PCLO: variants seen among roughly 807,000 people sequenced by gnomAD.
PCLO encodes piccolo presynaptic cytomatrix protein, also known as protein piccolo.
In PCLO, 82 loss-of-function variants were observed where a neutral mutation model predicts 427.5. The observed-to-expected ratio is 0.19, with a 90% confidence interval of 0.16 to 0.23. The LOEUF (loss-of-function observed/expected upper bound fraction) is 0.23, where lower values mean the gene tolerates loss of function less well. PCLO is among the 10% of genes least tolerant of loss of function. The probability of loss-of-function intolerance (pLI) is 1.00; values close to 1 mark genes in which losing one functional copy is unlikely to be tolerated. For missense variants in PCLO, 6,239 were observed against 6,115.9 expected, an observed-to-expected ratio of 1.02 and a Z score of -0.67; for synonymous variants, 2,357 against 2,155.4, an observed-to-expected ratio of 1.09 and a Z score of -2.59.
intron 3 of PCLO, among the ~76,000 whole-genome samples, chr7:83,078,197 C>T (rs1337680635): frequency 6.6e-6 from 1 of 152,056 alleles, no homozygotes; most frequent in African/African-American, 2.4e-5. Flanking sequence ...AATCAACAAA[C>T]ATATATTATT....
chr7:82,998,456 C>G (rs116137624), intron 3 of PCLO, among the ~76,000 whole-genome samples: 1,581 of 151,840 alleles, frequency 0.01, 38 homozygotes, highest in African/African-American at 0.035. Flanking sequence ...AGTGCTTGAA[C>G]TGCTGGGGTT....
chr7:83,110,826 C>T (rs1292351798), intron 3 of PCLO, among the ~76,000 whole-genome samples: 2 of 152,250 alleles, frequency 1.3e-5, no homozygotes, highest in Non-Finnish European at 2.9e-5. Flanking sequence ...CTGTCAAACC[C>T]ATCTCCTCCA....
At chr7:83,151,170 T>G (rs1201562331) in intron 2 of PCLO, among the ~76,000 whole-genome samples, 2 of 152,182 alleles carry the variant, frequency 1.3e-5, no homozygotes, top group African/African-American at 2.4e-5. Context: ...AGTTCAGAAT[T>G]AGACCTTTTG....
intron 7 of PCLO, among the ~76,000 whole-genome samples, chr7:82,912,345 C>T (rs759777163): frequency 6.6e-6 from 1 of 151,516 alleles, no homozygotes; most frequent in African/African-American, 2.4e-5. Flanking sequence ...GAAAAGTACA[C>T]CATTACTCAT....
intron 3 of PCLO, among the ~76,000 whole-genome samples, chr7:83,125,429 G>T (rs971773335): frequency 5.9e-5 from 9 of 152,250 alleles, no homozygotes; most frequent in Non-Finnish European, 1.2e-4. Context: ...GATGACGATG[G>T]TGGTTTTGTC....
chr7:83,028,644 C>A (rs1328111940), intron 3 of PCLO, among the ~76,000 whole-genome samples: 5 of 148,348 alleles, frequency 3.4e-5, no homozygotes, highest in South Asian at 4.4e-4. Flanking sequence ...GAGCCCGCAT[C>A]GCCAAGTCAA....
intron 3 of PCLO, among the ~76,000 whole-genome samples, chr7:82,996,299 A>C (rs1787612137): frequency 6.6e-6 from 1 of 152,018 alleles, no homozygotes; most frequent in African/African-American, 2.4e-5. Context: ...AATTGGCATT[A>C]ATGGTTTTTT....
intron 3 of PCLO, among the ~76,000 whole-genome samples, chr7:83,086,556 C>G (rs1330274204): frequency 5.9e-5 from 9 of 151,890 alleles, no homozygotes; most frequent in Non-Finnish European, 1.3e-4. Flanking sequence ...AAATGGCAAA[C>G]AACCCATTTT....
intron 3 of PCLO, among the ~76,000 whole-genome samples, chr7:83,001,534 G>A (rs893921284): frequency 7.5e-5 from 9 of 120,578 alleles, no homozygotes; most frequent in Non-Finnish European, 1.2e-4. Context: ...ACACACAAAG[G>A]AAGTAAGAAA....
At chr7:82,848,041 A>G (rs1165998332) in intron 10 of PCLO, among the ~76,000 whole-genome samples, 1 of 152,052 alleles carries the variant, frequency 6.6e-6, no homozygotes. Context: ...CTAGAAAGAT[A>G]ATTTCATAGA....
At chr7:82,921,036 C>T (rs1794583483) in intron 6 of PCLO, among the ~76,000 whole-genome samples, 1 of 151,556 alleles carries the variant, frequency 6.6e-6, no homozygotes, top group Non-Finnish European at 1.5e-5. Context: ...ATGCTAAAGA[C>T]ATAGATACAA....
In PCLO at chr7:82,915,793, C is replaced by A; in HGVS notation, c.12193G>T (p.Ala4065Ser). The A allele has an allele frequency of 6.8e-6, 11 of 1,612,596 alleles. No homozygotes were observed. Among genetic ancestry groups the A allele is most frequent in the Non-Finnish European group, 9.3e-6 (11 of 1,179,242 alleles). ...ITKGTAALST[A>S]FSLHEKDLSK... is the part of the protein sequence containing the mutation. ...AGATCCTTTTCATGAAGGCTAAATG[C>A]GGTGCTTAATGCCGCTGTTCCTTTG... Residue 4065 changes from alanine to serine, a missense_variant, in exon 7 of 25, where the codon GCA (alanine) becomes TCA (serine). Transcript: ENST00000333891.
chr7:82,930,657 A>T (rs1403651264), intron 6 of PCLO, among the ~76,000 whole-genome samples: 1 of 152,160 alleles, frequency 6.6e-6, no homozygotes. Context: ...TTACCTAAAA[A>T]ATTAGAACCC....
chr7:83,028,981 G>T (rs981497149), intron 3 of PCLO, among the ~76,000 whole-genome samples: 59 of 152,052 alleles, frequency 3.9e-4, no homozygotes, highest in African/African-American at 1.4e-3. Flanking sequence ...AGACTTAAAC[G>T]TCAGACCTAA....
intron 6 of PCLO, among the ~76,000 whole-genome samples, chr7:82,929,146 G>C (rs904889795): frequency 6.6e-6 from 1 of 151,736 alleles, no homozygotes; most frequent in Non-Finnish European, 1.5e-5. Context: ...AAGCTGATAA[G>C]GCCTTTATAT....
intron 22 of PCLO, among the ~76,000 whole-genome samples, chr7:82,786,781 C>T (rs2189245): frequency 0.076 from 11,503 of 152,022 alleles, 627 homozygotes; most frequent in East Asian, 0.15. Flanking sequence ...TGATGTTCTC[C>T]ACCCTGTGTA....
At chr7:82,944,849 C>T (rs1026502700) in intron 6 of PCLO, among the ~76,000 whole-genome samples, 1 of 152,100 alleles carries the variant, frequency 6.6e-6, no homozygotes, top group East Asian at 1.9e-4. Context: ...AGGTAATAAA[C>T]CTTATTCACT....
chr7:82,788,294 T>A (rs1380535332), intron 22 of PCLO, among the ~76,000 whole-genome samples: 1 of 148,200 alleles, frequency 6.7e-6, no homozygotes, highest in Non-Finnish European at 1.5e-5. Context: ...ATAATTGATA[T>A]AGTTATGATT....
At chr7:82,768,012 G>A (rs945590294) in intron 22 of PCLO, among the ~76,000 whole-genome samples, 16 of 152,038 alleles carry the variant, frequency 1.1e-4, no homozygotes, top group African/African-American at 2.4e-4. Context: ...GAAAGAGACA[G>A]GGAGGGAGGA....
Sources: allele counts gnomAD v4.1 joint callset (sites outside exome capture counted in the v4.1 genomes callset), GRCh38; gene constraint gnomAD v4.1.1; transcripts MANE v1.5; gene names NCBI Gene and HGNC (gene_info 2026-07-23, HGNC 2026-07-21).